The following CHSY3 variants were observed in gnomAD, a reference collection of about 807,000 sequenced individuals.
CHSY3 encodes N-acetylgalactosaminyl-proteoglycan 3-beta-glucuronosyltransferase 3.
CHSY3 carries 35 observed loss-of-function variants against 67.2 expected under a neutral mutation model. The ratio of observed to expected loss-of-function variants is 0.52; its 90% CI spans 0.40 to 0.69. The LOEUF (loss-of-function observed/expected upper bound fraction) is 0.69, where lower values mean the gene tolerates loss of function less well. Among genes scored for constraint, CHSY3 ranks in the 30% least tolerant of loss-of-function variants. The pLI is 0.00. For synonymous variants in CHSY3, 474 were observed against 434.7 expected, an observed-to-expected ratio of 1.09 and a Z score of -1.12; for missense variants, 1,069 against 1,138.5, an observed-to-expected ratio of 0.94 and a Z score of 0.88.
At chr5:129,917,921 C>T (rs73785810) in intron 2 of CHSY3, among the ~76,000 whole-genome samples, 84 of 152,248 alleles carry the variant, frequency 5.5e-4, no homozygotes, top group African/African-American at 2.0e-3. Flanking sequence ...TTCAGGGTTT[C>T]GACCACTGTG....
intron 2 of CHSY3, among the ~76,000 whole-genome samples, chr5:130,066,881 G>T (rs558077902): frequency 6.6e-6 from 1 of 152,214 alleles, no homozygotes; most frequent in African/African-American, 2.4e-5. Context: ...ATTTCAGCAA[G>T]AGTGCTGTTT....
intron 2 of CHSY3, among the ~76,000 whole-genome samples, chr5:129,931,601 A>G (rs887995236): frequency 2.0e-5 from 3 of 152,068 alleles, no homozygotes; most frequent in African/African-American, 7.2e-5. Flanking sequence ...CCAGATGTGT[A>G]GGTGATGTAT....
intron 2 of CHSY3, among the ~76,000 whole-genome samples, chr5:129,915,482 A>T (rs1354443555): frequency 3.3e-5 from 5 of 152,222 alleles, no homozygotes; most frequent in African/African-American, 1.2e-4. Flanking sequence ...TGTTTAAAAA[A>T]TAAGCAGGCA....
At chr5:129,945,678 T>C (rs1215054574) in intron 2 of CHSY3, among the ~76,000 whole-genome samples, 1 of 152,062 alleles carries the variant, frequency 6.6e-6, no homozygotes, top group Non-Finnish European at 1.5e-5. Flanking sequence ...GACAGACGGG[T>C]AGGTAAAAAT....
chr5:130,155,267 A>G (rs995616641), intron 2 of CHSY3, among the ~76,000 whole-genome samples: 4 of 152,144 alleles, frequency 2.6e-5, no homozygotes, highest in African/African-American at 9.6e-5. Flanking sequence ...GGAAGCCCCC[A>G]TTTGGGGAAA....
chr5:130,058,553 G>A (rs1765609183), intron 2 of CHSY3, among the ~76,000 whole-genome samples: 1 of 152,224 alleles, frequency 6.6e-6, no homozygotes, highest in Non-Finnish European at 1.5e-5. Context: ...CTTGAACCCT[G>A]AGGTGGAAGT....
chr5:129,975,081 TG>T (rs939444707), intron 2 of CHSY3: 9 of 150,792 alleles, frequency 6.0e-5, no homozygotes, highest in Admixed American at 5.9e-4. Flanking sequence ...TGTTGTGGGG[TG>T]GGGGTAGGGG....
At chr5:130,083,433 C>A (rs1272328713) in intron 2 of CHSY3, among the ~76,000 whole-genome samples, 1 of 152,006 alleles carries the variant, frequency 6.6e-6, no homozygotes, top group Non-Finnish European at 1.5e-5. Context: ...GGAAAATACA[C>A]CCTACTTTTC....
intron 2 of CHSY3, among the ~76,000 whole-genome samples, chr5:130,152,523 G>C (rs1175338648): frequency 6.6e-6 from 1 of 152,008 alleles, no homozygotes; most frequent in African/African-American, 2.4e-5. Context: ...TTTCCTATCA[G>C]TTTTGTGAGG....
At chr5:130,156,344 G>C (rs1326485995) in intron 2 of CHSY3, among the ~76,000 whole-genome samples, 2 of 152,096 alleles carry the variant, frequency 1.3e-5, no homozygotes, top group African/African-American at 2.4e-5. Flanking sequence ...CATCATCTAG[G>C]CCACCTTAAT....
intron 2 of CHSY3, among the ~76,000 whole-genome samples, chr5:130,100,005 A>T (rs1767177646): frequency 6.6e-6 from 1 of 151,982 alleles, no homozygotes; most frequent in South Asian, 2.1e-4. Flanking sequence ...AAAAAAAAAT[A>T]GAGGAAGTTT....
intron 2 of CHSY3, among the ~76,000 whole-genome samples, chr5:130,183,575 T>C (rs1037631507): frequency 8.5e-5 from 13 of 152,170 alleles, no homozygotes; most frequent in African/African-American, 3.1e-4. Context: ...TCCTTCTCCG[T>C]GATCTGTTAT....
chr5:129,975,557 A>G (rs995625287), intron 2 of CHSY3, among the ~76,000 whole-genome samples: 9 of 152,224 alleles, frequency 5.9e-5, no homozygotes, highest in African/African-American at 1.9e-4. Flanking sequence ...GGTCAAATAT[A>G]AAACTTAAAT....
intron 2 of CHSY3, among the ~76,000 whole-genome samples, chr5:129,965,978 G>A (rs1357894118): frequency 1.3e-5 from 2 of 151,864 alleles, no homozygotes; most frequent in African/African-American, 4.8e-5. Flanking sequence ...CTGTCCATCA[G>A]ACACATATTT....
At chr5:129,905,753 C>G in intron 1 of CHSY3, 122 bp downstream of exon 1, 2 of 1,511,382 alleles carry the variant, frequency 1.3e-6, no homozygotes, top group Non-Finnish European at 1.8e-6. Context: ...CGGGCTCCCA[C>G]AGGCCCTGGC....
intron 2 of CHSY3, among the ~76,000 whole-genome samples, chr5:130,021,114 C>T (rs1488203535): frequency 6.6e-6 from 1 of 152,140 alleles, no homozygotes; most frequent in Non-Finnish European, 1.5e-5. Context: ...ATTTATGTAG[C>T]ATCTTCTCTC....
chr5:129,944,827 G>A (rs1428116898), intron 2 of CHSY3, among the ~76,000 whole-genome samples: 1 of 151,992 alleles, frequency 6.6e-6, no homozygotes, highest in East Asian at 1.9e-4. Flanking sequence ...ACAAAACAAT[G>A]CAAACAAGTA....
At chr5:130,165,198 G>A (rs1430514164) in intron 2 of CHSY3, among the ~76,000 whole-genome samples, 1 of 152,130 alleles carries the variant, frequency 6.6e-6, no homozygotes, top group African/African-American at 2.4e-5. Context: ...TTGGAGAGTG[G>A]CCAGATGAGA....
intron 2 of CHSY3, among the ~76,000 whole-genome samples, chr5:130,031,947 A>G (rs1350048829): frequency 6.6e-6 from 1 of 152,224 alleles, no homozygotes; most frequent in East Asian, 1.9e-4. Flanking sequence ...GAAACTCAGG[A>G]GAAGAAATTA....
Sources: allele counts gnomAD v4.1 joint callset (sites outside exome capture counted in the v4.1 genomes callset), GRCh38; gene constraint gnomAD v4.1.1; transcripts MANE v1.5; gene names NCBI Gene and HGNC (gene_info 2026-07-23, HGNC 2026-07-21).